Variants in LRP1B observed in about 807,000 individuals in gnomAD.
LRP1B encodes the protein LDL receptor related protein 1B.
A neutral mutation model predicts 556.6 loss-of-function variants in LRP1B; 217 were observed. That is an observed-to-expected ratio of 0.39 (90% CI 0.35 to 0.44). The LOEUF (loss-of-function observed/expected upper bound fraction) is 0.44. LRP1B is among the 20% of genes least tolerant of loss of function. The probability of loss-of-function intolerance (pLI) is 1.00; values close to 1 mark genes in which losing one functional copy is unlikely to be tolerated. For missense variants in LRP1B, 5,053 were observed against 5,620.8 expected (o/e 0.90, Z 3.23); for synonymous variants, 2,047 against 1,865.8 (o/e 1.10, Z -2.50).
intron 3 of LRP1B, among the ~76,000 whole-genome samples, chr2:141,325,826 T>C (rs1001935804): frequency 3.9e-5 from 6 of 152,038 alleles, no homozygotes; most frequent in African/African-American, 1.4e-4. Context: ...GGACTAAAGT[T>C]GGAAAGCAGC....
intron 11 of LRP1B, among the ~76,000 whole-genome samples, chr2:141,028,207 AT>A (rs1262799442): frequency 1.3e-5 from 2 of 151,862 alleles, no homozygotes; most frequent in African/African-American, 4.8e-5. Context: ...ATTAGTTTAA[AT>A]GATATTAATA....
intron 21 of LRP1B, among the ~76,000 whole-genome samples, chr2:140,917,892 GT>G (rs1694625556): frequency 6.6e-6 from 1 of 152,076 alleles, no homozygotes; most frequent in Non-Finnish European, 1.5e-5. Context: ...TATAACAAAT[GT>G]ACCACTTTGG....
In LRP1B at chr2:140,506,803, C is replaced by A. The variant is rs139084384; in HGVS notation, c.8514G>T (p.Pro2838=). Residue 2838 remains proline (P), a synonymous_variant, in exon 53 of 91, where the codon CCG becomes CCT. Coordinates refer to ENST00000389484, the MANE Select transcript of LRP1B (RefSeq NM_018557.3). The part of the protein sequence containing the change: ...DDCGDGSDES[P]QCGYRQCGTE... Reference sequence around the variant, plus strand: ...AGTTTTAGATGTACTTACCACACTGCGGTGACTCATCAGAGCCATCTCCAC... The same window carrying A: ...AGTTTTAGATGTACTTACCACACTGAGGTGACTCATCAGAGCCATCTCCAC... The A allele has an allele frequency of 1.2e-6, 2 of 1,612,792 alleles. No individual in the cohort carries two copies. Among genetic ancestry groups the A allele is most frequent in the Non-Finnish European group, 1.7e-6 (2 of 1,179,362 alleles).
chr2:141,193,732 T>C (rs1383563532), intron 6 of LRP1B, among the ~76,000 whole-genome samples: 2 of 148,810 alleles, frequency 1.3e-5, no homozygotes, highest in African/African-American at 5.0e-5. Flanking sequence ...AAATAAAAGT[T>C]AGAAAAAAAA....
Position 141,243,692 on chromosome 2 carries a change from T to C in LRP1B, c.592+3534A>G, listed in dbSNP as rs566979361. 2.2e-4 allele frequency among the ~76,000 whole-genome samples: 34 copies of C among 152,272 alleles called. No homozygotes were observed. In the South Asian group the frequency reaches 6.6e-3, roughly 30 times the overall value. ...TACTTTTTTGAAGATAAAAAACACA[T>C]AGTATCAAGTATTAAATTGCACTAG... is the stretch of plus-strand genomic sequence containing the variant. On this transcript the variant is annotated intron_variant, in intron 5 of 90. Transcript: ENST00000389484.
chr2:140,535,121 G>A (rs1166558653), intron 46 of LRP1B, among the ~76,000 whole-genome samples: 4 of 152,046 alleles, frequency 2.6e-5, no homozygotes, highest in Admixed American at 1.3e-4. Flanking sequence ...AACAACAGAG[G>A]ATATGTGACA....
chr2:141,484,616 G>A (rs1683051247), intron 2 of LRP1B, among the ~76,000 whole-genome samples: 2 of 152,022 alleles, frequency 1.3e-5, no homozygotes, highest in African/African-American at 4.8e-5. Flanking sequence ...TCTTCCATTT[G>A]TTTGTATCCT....
intron 37 of LRP1B, among the ~76,000 whole-genome samples, chr2:140,713,957 A>G (rs1198197145): frequency 1.3e-5 from 2 of 152,114 alleles, no homozygotes; most frequent in African/African-American, 4.8e-5. Context: ...ATAATTTTAT[A>G]GTGATCTTAT....
chr2:140,601,867 T>G (rs983938873), intron 41 of LRP1B, among the ~76,000 whole-genome samples: 1 of 152,118 alleles, frequency 6.6e-6, no homozygotes, highest in African/African-American at 2.4e-5. Flanking sequence ...GACTTAATCT[T>G]CTCACAAATA....
chr2:141,450,374 A>G (rs538282178), intron 3 of LRP1B, among the ~76,000 whole-genome samples: 3 of 152,132 alleles, frequency 2.0e-5, no homozygotes, highest in Non-Finnish European at 4.4e-5. Context: ...TAACATCTTT[A>G]ATCCTCAGTT....
intron 37 of LRP1B, among the ~76,000 whole-genome samples, chr2:140,706,801 A>G (rs1437328497): frequency 6.8e-6 from 1 of 146,862 alleles, no homozygotes; most frequent in East Asian, 2.0e-4. Flanking sequence ...GAATTAGTCT[A>G]GATACAGGTA....
At chr2:140,338,456 A>G (rs1164665622) in intron 77 of LRP1B, among the ~76,000 whole-genome samples, 1 of 151,768 alleles carries the variant, frequency 6.6e-6, no homozygotes. Flanking sequence ...TCAGAAGGTG[A>G]CAACATATTA....
At chr2:140,307,600 A>G (rs949979410) in intron 83 of LRP1B, among the ~76,000 whole-genome samples, 3 of 151,830 alleles carry the variant, frequency 2.0e-5, no homozygotes, top group Non-Finnish European at 4.4e-5. Context: ...AAATAACTGC[A>G]TGGATATTGT....
At chr2:141,675,088 T>C (rs1453747584) in intron 2 of LRP1B, among the ~76,000 whole-genome samples, 4 of 151,982 alleles carry the variant, frequency 2.6e-5, no homozygotes, top group Admixed American at 6.6e-5. Flanking sequence ...TTTGCCCTAT[T>C]ATTTTCTTAA....
At chr2:141,469,893 T>C (rs1682395773) in intron 3 of LRP1B, among the ~76,000 whole-genome samples, 1 of 152,190 alleles carries the variant, frequency 6.6e-6, no homozygotes, top group South Asian at 2.1e-4. Context: ...CAATAAGGTA[T>C]TTTGAGAGAG....
chr2:140,400,081 C>G (rs529038483), intron 66 of LRP1B, among the ~76,000 whole-genome samples: 2 of 152,260 alleles, frequency 1.3e-5, no homozygotes, highest in South Asian at 4.1e-4. Flanking sequence ...CTTGAACACT[C>G]AAGTGATGAA....
intron 18 of LRP1B, among the ~76,000 whole-genome samples, chr2:140,973,297 G>A (rs770333574): frequency 7.9e-5 from 12 of 151,652 alleles, no homozygotes; most frequent in Non-Finnish European, 1.6e-4. Context: ...CTATGATTTG[G>A]TTAAAGCTTC....
chr2:140,351,886 T>A (rs971361548), intron 76 of LRP1B, among the ~76,000 whole-genome samples: 1 of 152,136 alleles, frequency 6.6e-6, no homozygotes, highest in Non-Finnish European at 1.5e-5. Context: ...TTCTTATAAC[T>A]ATGGAAACTG....
At chr2:140,321,424 TATGATA>T (rs1418139659) in intron 82 of LRP1B, among the ~76,000 whole-genome samples, 1 of 151,568 alleles carries the variant, frequency 6.6e-6, no homozygotes, top group Non-Finnish European at 1.5e-5. Flanking sequence ...TCATAATTAT[TATGATA>T]ATTATCATAA....
Sources: allele counts gnomAD v4.1 joint callset (sites outside exome capture counted in the v4.1 genomes callset), GRCh38; gene constraint gnomAD v4.1.1; transcripts MANE v1.5; gene names NCBI Gene and HGNC (gene_info 2026-07-23, HGNC 2026-07-21).